The following TENM4 variants were observed in gnomAD, a reference collection of about 807,000 sequenced individuals.
The protein encoded by TENM4 is teneurin transmembrane protein 4, also known as teneurin-4.
A neutral mutation model predicts 243.3 loss-of-function variants in TENM4; 82 were observed. The ratio of observed to expected loss-of-function variants is 0.34; its 90% CI spans 0.28 to 0.40. The LOEUF (loss-of-function observed/expected upper bound fraction) is 0.40, where lower values mean the gene tolerates loss of function less well. Among genes scored for constraint, TENM4 ranks in the 10% least tolerant of loss-of-function variants. The pLI, the probability that TENM4 is intolerant of heterozygous loss-of-function variation, is 1.00. For synonymous variants in TENM4, 1,412 were observed against 1,456.3 expected (o/e 0.97, Z 0.69); for missense variants, 3,138 against 3,673.3 (o/e 0.85, Z 3.77).
Position 78,963,645 on chromosome 11 carries a change from G to C in TENM4, c.494-60122C>G, listed in dbSNP as rs1205244533. 2.6e-5 allele frequency among the ~76,000 whole-genome samples: 4 copies of C among 152,090 alleles called. No individual in the cohort carries two copies. The East Asian group carries it at 7.7e-4, about 29-fold the overall frequency. Reference sequence around the variant, plus strand: ...CGGCTGATTATTTGCAGGGTAGGGTGGGAAGCTTTTTGTGGTCTGTCCACA... The same window carrying C: ...CGGCTGATTATTTGCAGGGTAGGGTCGGAAGCTTTTTGTGGTCTGTCCACA... On this transcript the variant is annotated intron_variant, in intron 6 of 33. Transcript: ENST00000278550.
chr11:79,366,896 G>A (rs903789289), intron 1 of TENM4, among the ~76,000 whole-genome samples: 1 of 152,120 alleles, frequency 6.6e-6, no homozygotes, highest in Non-Finnish European at 1.5e-5. Context: ...TTATAGCTCT[G>A]CCAGAAGGCT....
At chr11:78,790,338 G>T (rs563796310) in intron 15 of TENM4, among the ~76,000 whole-genome samples, 2 of 152,320 alleles carry the variant, frequency 1.3e-5, no homozygotes, top group South Asian at 4.1e-4. Flanking sequence ...TGCCAATTAT[G>T]CAATTCATTG....
At chr11:78,712,204 T>C (rs1859414087) in intron 26 of TENM4, among the ~76,000 whole-genome samples, 1 of 152,128 alleles carries the variant, frequency 6.6e-6, no homozygotes, top group Non-Finnish European at 1.5e-5. Flanking sequence ...TGATCTAGCA[T>C]TTAGGGAAAA....
At chr11:79,311,714 C>T (rs1856724776) in intron 1 of TENM4, among the ~76,000 whole-genome samples, 1 of 152,154 alleles carries the variant, frequency 6.6e-6, no homozygotes, top group South Asian at 2.1e-4. Flanking sequence ...GGCCACCACA[C>T]ACGTCTGCTC....
intron 1 of TENM4, among the ~76,000 whole-genome samples, chr11:79,302,811 C>T (rs1406188990): frequency 6.6e-6 from 1 of 152,064 alleles, no homozygotes; most frequent in Admixed American, 6.5e-5. Context: ...GTAGAGCCAC[C>T]ATTTCCTTGA....
intron 6 of TENM4, among the ~76,000 whole-genome samples, chr11:78,928,703 G>A (rs1203154808): frequency 1.3e-5 from 2 of 152,104 alleles, no homozygotes; most frequent in Non-Finnish European, 2.9e-5. Flanking sequence ...TTATAATTAT[G>A]TAATAAATTG....
intron 6 of TENM4, among the ~76,000 whole-genome samples, chr11:79,002,644 A>C (rs1858362431): frequency 6.6e-6 from 1 of 152,224 alleles, no homozygotes; most frequent in Admixed American, 6.5e-5. Flanking sequence ...AATCAAAAAA[A>C]CCCATTGGAA....
intron 2 of TENM4, among the ~76,000 whole-genome samples, chr11:79,256,579 G>A (rs1855704135): frequency 6.6e-6 from 1 of 152,214 alleles, no homozygotes; most frequent in African/African-American, 2.4e-5. Context: ...TCACCTACAA[G>A]AGAACCATTT....
intron 19 of TENM4, among the ~76,000 whole-genome samples, chr11:78,744,663 T>C (rs996469502): frequency 4.6e-5 from 7 of 152,238 alleles, no homozygotes; most frequent in African/African-American, 1.7e-4. Flanking sequence ...CCATTTTTGA[T>C]TGCACGCCCT....
At chr11:78,849,049 C>G (rs974777085) in intron 12 of TENM4, among the ~76,000 whole-genome samples, 2 of 152,182 alleles carry the variant, frequency 1.3e-5, no homozygotes, top group African/African-American at 4.8e-5. Flanking sequence ...CTCTAGGTTT[C>G]TAAATCCACT....
chr11:79,254,051 G>A (rs1855658620), intron 2 of TENM4, among the ~76,000 whole-genome samples: 1 of 152,196 alleles, frequency 6.6e-6, no homozygotes, highest in East Asian at 1.9e-4. Context: ...TTACCCACAG[G>A]AAAGGGGCAT....
chr11:78,929,461 A>G (rs923489083), intron 6 of TENM4, among the ~76,000 whole-genome samples: 4 of 152,182 alleles, frequency 2.6e-5, no homozygotes, highest in African/African-American at 7.2e-5. Context: ...CAGGTTCAGA[A>G]GAGAGACAAG....
chr11:79,089,736 C>A (rs1860901515), intron 4 of TENM4, among the ~76,000 whole-genome samples: 1 of 152,176 alleles, frequency 6.6e-6, no homozygotes, highest in Non-Finnish European at 1.5e-5. Flanking sequence ...GACTTTGAGA[C>A]CTGGCTTTGT....
At chr11:78,835,232 GCA>G (rs1425398582) in intron 12 of TENM4, among the ~76,000 whole-genome samples, 1 of 152,188 alleles carries the variant, frequency 6.6e-6, no homozygotes, top group Non-Finnish European at 1.5e-5. Flanking sequence ...CACTGGCCGG[GCA>G]CAGTGGCTTA....
intron 6 of TENM4, among the ~76,000 whole-genome samples, chr11:78,947,286 C>T (rs1425992611): frequency 6.6e-6 from 1 of 152,146 alleles, no homozygotes; most frequent in African/African-American, 2.4e-5. Context: ...AGAGAGGGGA[C>T]TCAACTTGCC....
chr11:78,662,842 T>C (rs1858065238), intron 32 of TENM4, among the ~76,000 whole-genome samples: 1 of 152,206 alleles, frequency 6.6e-6, no homozygotes. Flanking sequence ...AAGCCTTTCA[T>C]TTAGACAGGC....
intron 6 of TENM4, among the ~76,000 whole-genome samples, chr11:78,964,832 GT>G (rs1335631826): frequency 6.6e-6 from 1 of 152,038 alleles, no homozygotes; most frequent in Non-Finnish European, 1.5e-5. Flanking sequence ...CCTCCTATTA[GT>G]TTTATGATAT....
Position 78,786,913 on chromosome 11 carries a change from C to A in TENM4, c.2350G>T (p.Glu784Ter). 6.2e-7 allele frequency: 1 copy of A among 1,608,954 alleles called. No homozygotes were observed. The highest frequency in any genetic ancestry group is 2.2e-5 in the East Asian group (1 of 44,708). Residue 784 changes from glutamate (E) to a stop codon, truncating the protein, a stop_gained, in exon 16 of 34, where the codon GAA (glutamate) becomes TAA (stop). Coordinates refer to ENST00000278550, the MANE Select transcript of TENM4 (RefSeq NM_001098816.3). LOFTEE classifies it high-confidence loss of function. Reference sequence around the variant, plus strand: ...CCCGCCATACCGATGGTGCAGTGTTCGCCATTCCAGCCAGGGCTGCACTCG... The same window carrying A: ...CCCGCCATACCGATGGTGCAGTGTTAGCCATTCCAGCCAGGGCTGCACTCG... ...KCECSPGWNG[E>*]HCTIAHYLDR...
At chr11:79,229,168 A>AT (rs1260938558) in intron 2 of TENM4, among the ~76,000 whole-genome samples, 1 of 152,170 alleles carries the variant, frequency 6.6e-6, no homozygotes, top group Non-Finnish European at 1.5e-5. Context: ...GTTTTTAACC[A>AT]TTTTTTGGTT....
Sources: gnomAD v4.1 joint callset for allele counts (sites outside exome capture counted in the v4.1 genomes callset) on GRCh38, gnomAD v4.1.1 for gene constraint, MANE v1.5 for transcripts, NCBI Gene and HGNC (gene_info 2026-07-23, HGNC 2026-07-21) for gene names.